The following PLSCR5 variants were observed in gnomAD, a reference collection of about 807,000 sequenced individuals.
PLSCR5 encodes phospholipid scramblase family member 5.
A neutral mutation model predicts 33.6 loss-of-function variants in PLSCR5; 44 were observed. The ratio of observed to expected loss-of-function variants is 1.31; its 90% CI spans 1.03 to 1.69. The LOEUF is 1.69. PLSCR5 is among the 40% of genes most tolerant of loss of function. PLSCR5 has a pLI of 0.00. For missense variants in PLSCR5, 375 were observed against 318.7 expected (o/e 1.18, Z -1.34); for synonymous variants, 148 against 112.3 (o/e 1.32, Z -2.01).
chr3:146,605,116 C>A (rs1229697900), intron 1 of PLSCR5, 84 bp downstream of exon 1: 4 of 1,349,418 alleles, frequency 3.0e-6, no homozygotes, highest in Non-Finnish European at 4.1e-6. Context: ...AAGTACCAAT[C>A]TAACTGGTTG....
rs1456038803 is a variant in PLSCR5 at position 146,589,295 on chromosome 3, CA to C, written c.777+357del. Among the ~76,000 whole-genome samples, 4 of 152,162 alleles carry C rather than the reference CA, an allele frequency of 2.6e-5. No homozygotes were observed. The East Asian group carries it at 7.7e-4, about 29-fold the overall frequency. ...CAATGAACCAGTCTGGAACTTTATCCAGGATAAATCATGTGATATTTATGTT... is the reference window on the plus strand; with the variant it reads ...CAATGAACCAGTCTGGAACTTTATCCGGATAAATCATGTGATATTTATGTT... On this transcript the variant is annotated intron_variant, in intron 6 of 7. Transcript: ENST00000443512.
chr3:146,594,332 G>T (rs2044741140), intron 3 of PLSCR5, among the ~76,000 whole-genome samples, 192 bp from the exon 4 acceptor site: 2 of 152,022 alleles, frequency 1.3e-5, no homozygotes, highest in South Asian at 4.2e-4. Context: ...TAAATGGTGA[G>T]AATAAAGCTA....
At chr3:146,603,322 A>C (rs1330724993) in intron 1 of PLSCR5, among the ~76,000 whole-genome samples, 2 of 152,168 alleles carry the variant, frequency 1.3e-5, no homozygotes, top group African/African-American at 4.8e-5. Context: ...TTTTACTTAG[A>C]TAATGGTGAT....
At chr3:146,603,077 T>G (rs1273155456) in intron 1 of PLSCR5, among the ~76,000 whole-genome samples, 1 of 152,082 alleles carries the variant, frequency 6.6e-6, no homozygotes, top group Non-Finnish European at 1.5e-5. Flanking sequence ...TAATTTCTAC[T>G]AAGCCAGGAT....
In PLSCR5 at chr3:146,591,716, G is replaced by A. The variant is rs1245820844; in HGVS notation, c.615+4C>T. On this transcript the variant is annotated splice_donor_region_variant and intron_variant, in intron 5 of 7. Transcript: ENST00000443512. Reference sequence around the variant, plus strand: ...GAAAACTTCTTTCATTTTGTCAATTGTACCTCAAAATCCACATCGCCAAAA... The same window carrying A: ...GAAAACTTCTTTCATTTTGTCAATTATACCTCAAAATCCACATCGCCAAAA... 6.2e-7 allele frequency: 1 copy of A among 1,606,514 alleles called. No homozygotes were observed. Among genetic ancestry groups the A allele is most frequent in the Non-Finnish European group, 8.5e-7 (1 of 1,176,680 alleles).
At chr3:146,597,341 A>C (rs538757711) in intron 2 of PLSCR5, among the ~76,000 whole-genome samples, 2 of 152,272 alleles carry the variant, frequency 1.3e-5, no homozygotes, top group Non-Finnish European at 2.9e-5. Context: ...GTGAGGAAGC[A>C]AGCCCACAGA....
In PLSCR5 at chr3:146,586,234, T is replaced by C. The variant is rs143781153; in HGVS notation, c.778-122A>G. On this transcript the variant is annotated intron_variant, in intron 6 of 7. Coordinates refer to ENST00000443512, the MANE Select transcript of PLSCR5 (RefSeq NM_001085420.2). ...TATTTCCAGTGGTGTTCCAGTATTA[T>C]GATTTAACAGAAGAAGAAAAATTTA... 2.6e-4 allele frequency: 257 copies of C among 991,426 alleles called. 2 individuals are homozygous for C. The African/African-American group carries it at 4.1e-3, about 16-fold the overall frequency. The allele number at this position is 991,426 out of a possible 1,614,324, so 61.4% of individuals were successfully genotyped here. A position where few individuals can be genotyped will look rare whatever the true frequency, so the allele number is the denominator to read the frequency against.
Position 146,586,056 on chromosome 3 carries a change from T to C in PLSCR5, c.*18A>G. The C allele has an allele frequency of 6.8e-7, 1 of 1,477,342 alleles. No individual in the cohort carries two copies. The highest frequency in any genetic ancestry group is 2.7e-5 in the East Asian group (1 of 37,666). 91.5% of individuals were successfully genotyped at this position (1,477,342 alleles called of 1,614,324 possible). ...GAAATATGTTCTGCATATTTTATTG[T>C]TTTCATTATCTTGGTTATTATAATC... On this transcript the variant is annotated 3_prime_UTR_variant, in exon 7 of 8. Transcript: ENST00000443512.
At chr3:146,601,790 T>A (rs751835777) in intron 1 of PLSCR5, among the ~76,000 whole-genome samples, 15 of 152,158 alleles carry the variant, frequency 9.9e-5, no homozygotes, top group Non-Finnish European at 2.1e-4. Context: ...AACATCTTTA[T>A]CTTTTAAATC....
At chr3:146,595,253 AT>A (rs113778415) in intron 2 of PLSCR5, among the ~76,000 whole-genome samples, 170 bp from the exon 3 acceptor site, 11 of 151,054 alleles carry the variant, frequency 7.3e-5, no homozygotes, top group East Asian at 3.9e-4. Flanking sequence ...AAAGAACGTA[AT>A]TTTTTTTTTA....
chr3:146,592,816 C>T (rs568057043), intron 4 of PLSCR5, among the ~76,000 whole-genome samples: 3 of 152,032 alleles, frequency 2.0e-5, no homozygotes, highest in Non-Finnish European at 2.9e-5. Context: ...CCTGGACTAC[C>T]ATTAAAGAAA....
chr3:146,598,098 T>C (rs1407992982), intron 2 of PLSCR5, among the ~76,000 whole-genome samples: 2 of 152,278 alleles, frequency 1.3e-5, no homozygotes, highest in East Asian at 3.9e-4. Flanking sequence ...AAATTGTTCA[T>C]GGAAACAAGA....
Position 146,605,308 on chromosome 3 carries a change from T to A in PLSCR5, c.-96A>T, listed in dbSNP as rs2044855534. On this transcript the variant is annotated 5_prime_UTR_variant, in exon 1 of 8. The change creates a new upstream start codon in the 5' untranslated region. Transcript: ENST00000443512. ...AGAGAAAACGCAGCATGCACAAAACTTCAGAACGTGTTTGTCTGCCTCTTG... is the reference window on the plus strand; with the variant it reads ...AGAGAAAACGCAGCATGCACAAAACATCAGAACGTGTTTGTCTGCCTCTTG... The A allele has an allele frequency of 6.3e-6, 10 of 1,595,274 alleles. No individual in the cohort carries two copies. Among genetic ancestry groups the A allele is most frequent in the Non-Finnish European group, 7.7e-6 (9 of 1,170,284 alleles).
intron 1 of PLSCR5, among the ~76,000 whole-genome samples, chr3:146,602,079 A>G (rs2044821322): frequency 6.6e-6 from 1 of 152,148 alleles, no homozygotes; most frequent in Non-Finnish European, 1.5e-5. Flanking sequence ...TGGCCCTACT[A>G]AAATACAGCT....
chr3:146,589,353 C>CA (rs139240306), intron 6 of PLSCR5, among the ~76,000 whole-genome samples: 7,747 of 151,774 alleles, frequency 0.051, 679 homozygotes, highest in African/African-American at 0.18. Context: ...GAAAATAAGC[C>CA]AAAAATCTAA....
intron 1 of PLSCR5, among the ~76,000 whole-genome samples, chr3:146,602,336 A>T (rs2044824995): frequency 6.6e-6 from 1 of 152,180 alleles, no homozygotes; most frequent in African/African-American, 2.4e-5. Flanking sequence ...GGCAATAAAC[A>T]TTATTTCTTT....
At chr3:146,580,468 T>C (rs949795558) in intron 7 of PLSCR5, among the ~76,000 whole-genome samples, 4 of 140,414 alleles carry the variant, frequency 2.8e-5, no homozygotes, top group Admixed American at 7.1e-5. Flanking sequence ...TTTTTTTTTT[T>C]TTTTTTTTTT....
At chr3:146,599,801 C>T (rs973050349) in intron 2 of PLSCR5, among the ~76,000 whole-genome samples, 7 of 151,776 alleles carry the variant, frequency 4.6e-5, no homozygotes, top group Admixed American at 1.3e-4. Context: ...ACCTCAGCAT[C>T]CCGAGTAGCT....
chr3:146,578,564 A>G (rs1443373474), intron 7 of PLSCR5, among the ~76,000 whole-genome samples: 3 of 152,052 alleles, frequency 2.0e-5, no homozygotes, highest in Non-Finnish European at 2.9e-5. Flanking sequence ...AAAAGCTAAC[A>G]GTTTTGTAAA....
Sources: allele counts gnomAD v4.1 joint callset (sites outside exome capture counted in the v4.1 genomes callset), GRCh38; gene constraint gnomAD v4.1.1; transcripts MANE v1.5; gene names NCBI Gene and HGNC (gene_info 2026-07-23, HGNC 2026-07-21).